SAMD12: variants seen among roughly 807,000 people sequenced by gnomAD.
SAMD12 encodes the protein sterile alpha motif domain-containing protein 12.
Under a neutral mutation model 15.0 loss-of-function variants are expected in SAMD12, and 9 were observed. That is an observed-to-expected ratio of 0.60 (90% CI 0.36 to 1.05). The LOEUF is 1.05. SAMD12 is among the 50% of genes least tolerant of loss of function. The pLI is 0.01. For synonymous variants in SAMD12, 86 were observed against 90.1 expected (o/e 0.96, Z 0.25); for missense variants, 230 against 234.2 (o/e 0.98, Z 0.12).
intron 1 of SAMD12, among the ~76,000 whole-genome samples, chr8:118,589,389 C>G (rs1240555331): frequency 6.6e-6 from 1 of 152,190 alleles, no homozygotes. Context: ...ACAATTTCAT[C>G]TTTGTAAAAA....
intron 2 of SAMD12, among the ~76,000 whole-genome samples, chr8:118,551,826 A>G (rs1284299074): frequency 6.6e-6 from 1 of 150,968 alleles, no homozygotes; most frequent in Non-Finnish European, 1.5e-5. Context: ...CAGATGCAAT[A>G]AAAAATGATA....
At chr8:118,362,231 G>A (rs1271902665) in intron 4 of SAMD12, among the ~76,000 whole-genome samples, 1 of 152,112 alleles carries the variant, frequency 6.6e-6, no homozygotes, top group South Asian at 2.1e-4. Flanking sequence ...ATTTATTTAT[G>A]CTTTAATACA....
intron 2 of SAMD12, among the ~76,000 whole-genome samples, chr8:118,479,192 A>C (rs976862032): frequency 6.6e-6 from 1 of 152,078 alleles, no homozygotes; most frequent in Non-Finnish European, 1.5e-5. Context: ...CTGTAACCAC[A>C]CTGGCCTCTC....
chr8:118,556,122 C>T (rs543151471), intron 2 of SAMD12, among the ~76,000 whole-genome samples: 112 of 152,298 alleles, frequency 7.4e-4, no homozygotes, highest in African/African-American at 2.6e-3. Flanking sequence ...CATTTGGAGT[C>T]CTCACTCTTA....
At chr8:118,491,363 C>T (rs937712069) in intron 2 of SAMD12, among the ~76,000 whole-genome samples, 1 of 152,156 alleles carries the variant, frequency 6.6e-6, no homozygotes, top group Non-Finnish European at 1.5e-5. Context: ...ACTCATGTCA[C>T]AAGTGATTTC....
At chr8:118,407,703 C>T (rs1481485456) in intron 3 of SAMD12, among the ~76,000 whole-genome samples, 1 of 152,088 alleles carries the variant, frequency 6.6e-6, no homozygotes, top group Non-Finnish European at 1.5e-5. Flanking sequence ...TGACAGTTTC[C>T]CATTGCTGCT....
intron 2 of SAMD12, among the ~76,000 whole-genome samples, chr8:118,518,276 T>C (rs1186222155): frequency 6.6e-6 from 1 of 152,128 alleles, no homozygotes; most frequent in East Asian, 1.9e-4. Flanking sequence ...AGTGGGAGGA[T>C]GACAGACAGA....
chr8:118,447,305 T>C (rs1184799523), intron 2 of SAMD12, among the ~76,000 whole-genome samples: 1 of 151,940 alleles, frequency 6.6e-6, no homozygotes, highest in Non-Finnish European at 1.5e-5. Flanking sequence ...TGAAATCTTT[T>C]TTTTTTTTCT....
At chr8:118,362,510 C>T (rs1818555434) in intron 4 of SAMD12, among the ~76,000 whole-genome samples, 1 of 152,078 alleles carries the variant, frequency 6.6e-6, no homozygotes, top group Non-Finnish European at 1.5e-5. Flanking sequence ...TTATAACAAC[C>T]AACCACATGA....
chr8:118,431,704 GT>G (rs1822422888), intron 3 of SAMD12, among the ~76,000 whole-genome samples: 1 of 151,538 alleles, frequency 6.6e-6, no homozygotes, highest in African/African-American at 2.4e-5. Flanking sequence ...GTGTGTGTGT[GT>G]GTGTGTGTGT....
chr8:118,442,914 C>T (rs932014008), intron 2 of SAMD12, among the ~76,000 whole-genome samples: 1 of 152,174 alleles, frequency 6.6e-6, no homozygotes, highest in African/African-American at 2.4e-5. Context: ...TTAACTTGCT[C>T]ATATCCTGGG....
At chr8:118,363,103 T>C (rs556658634) in intron 4 of SAMD12, among the ~76,000 whole-genome samples, 1 of 152,334 alleles carries the variant, frequency 6.6e-6, no homozygotes, top group African/African-American at 2.4e-5. Flanking sequence ...CATCTTGAGT[T>C]TCTTGCAAAA....
At chr8:118,487,473 G>A (rs1302577918) in intron 2 of SAMD12, among the ~76,000 whole-genome samples, 1 of 152,162 alleles carries the variant, frequency 6.6e-6, no homozygotes, top group African/African-American at 2.4e-5. Context: ...AAGGAGTCCA[G>A]GCTTCTGCTA....
chr8:118,319,699 C>T (rs1816129493), intron 4 of SAMD12, among the ~76,000 whole-genome samples: 2 of 152,106 alleles, frequency 1.3e-5, no homozygotes, highest in Admixed American at 6.6e-5. Flanking sequence ...ATGTGTTCAG[C>T]AGAAGTAGGG....
At chr8:118,321,284 GTTTTTTTTTTGTTT>G (rs546806261) in intron 4 of SAMD12, among the ~76,000 whole-genome samples, 14,681 of 121,642 alleles carry the variant, frequency 0.12, 1,674 homozygotes, top group African/African-American at 0.31. Context: ...GAAAAGAGGT[GTTTTTTTTTTGTTT>G]TTTTTTTTTT....
intron 4 of SAMD12, among the ~76,000 whole-genome samples, chr8:118,214,390 C>T (rs1811907697): frequency 6.6e-6 from 1 of 152,152 alleles, no homozygotes; most frequent in Non-Finnish European, 1.5e-5. Context: ...AGCCTGCATG[C>T]CCAGGTTATG....
Position 118,614,122 on chromosome 8 carries a change from A to AT in SAMD12, c.13+7681dup, listed in dbSNP as rs149703580. Among the ~76,000 whole-genome samples the AT allele has an allele frequency of 1.4e-3, 215 of 152,332 alleles. 1 individual carries two copies. The East Asian group carries it at 0.031, about 22-fold the overall frequency. On this transcript the variant is annotated intron_variant, in intron 1 of 3. Coordinates refer to ENST00000314727, the MANE Select transcript of SAMD12 (RefSeq NM_207506.3). ...TGCCAGACTGTAATATCATGGGGCTATAAAAATGCTATAAAAATGTCTTAG... is the reference window on the plus strand; with the variant it reads ...TGCCAGACTGTAATATCATGGGGCTATTAAAAATGCTATAAAAATGTCTTAG...
intron 2 of SAMD12, among the ~76,000 whole-genome samples, chr8:118,556,492 A>G (rs770164617): frequency 2.0e-5 from 3 of 152,356 alleles, no homozygotes; most frequent in Non-Finnish European, 4.4e-5. Flanking sequence ...GACATGTTAC[A>G]TAAGTCCTTT....
the SAMD12 span, among the ~76,000 whole-genome samples, chr8:118,174,140 T>C: frequency 2.0e-5 from 3 of 152,228 alleles, no homozygotes; most frequent in South Asian, 6.2e-4. Flanking sequence ...CCTCTGTTAA[T>C]AGGCTAATAA....
Sources: allele counts gnomAD v4.1 joint callset (sites outside exome capture counted in the v4.1 genomes callset), GRCh38; gene constraint gnomAD v4.1.1; transcripts MANE v1.5; gene names NCBI Gene and HGNC (gene_info 2026-07-23, HGNC 2026-07-21).